OR11A1: variants seen among roughly 807,000 people sequenced by gnomAD.
OR11A1 encodes olfactory receptor 11A1.
For synonymous variants in OR11A1, 158 were observed against 152.2 expected (o/e 1.04, Z -0.28); for missense variants, 380 against 378.2 (o/e 1.00, Z -0.04).
intron 1 of OR11A1, among the ~76,000 whole-genome samples, chr6:29,442,763 A>T (rs1469429024): frequency 6.6e-6 from 1 of 152,262 alleles, no homozygotes; most frequent in Non-Finnish European, 1.5e-5. Flanking sequence ...TCAATTGAAC[A>T]AAACTGCAAT....
chr6:29,426,629 C>T lies in OR11A1; in HGVS notation c.*65G>A. On this transcript the variant is annotated 3_prime_UTR_variant, in exon 5 of 5. Coordinates refer to ENST00000377149, the MANE Select transcript of OR11A1 (RefSeq NM_001394828.1). Reference sequence around the variant, plus strand: ...ATAAGACAAAGTTACTCCTCTCCAACCCATCCTGGAAGAGTCCCCAGTGGA... The same window carrying T: ...ATAAGACAAAGTTACTCCTCTCCAATCCATCCTGGAAGAGTCCCCAGTGGA... 2 of 1,276,152 alleles carry T rather than the reference C, an allele frequency of 1.6e-6. No individual in the cohort carries two copies. Among genetic ancestry groups the T allele is most frequent in the East Asian group, 2.3e-5 (1 of 42,938 alleles). 79.1% of individuals were successfully genotyped at this position (1,276,152 alleles called of 1,614,324 possible).
intron 1 of OR11A1, among the ~76,000 whole-genome samples, chr6:29,444,479 G>T (rs1784522567): frequency 6.6e-6 from 1 of 152,104 alleles, no homozygotes; most frequent in Admixed American, 6.5e-5. Context: ...CATCTTTTTG[G>T]TTTTCAATTT....
chr6:29,450,608 C>CCACA (rs371682956), intron 1 of OR11A1: 1 of 150,942 alleles, frequency 6.6e-6, no homozygotes, highest in Non-Finnish European at 1.5e-5. Context: ...TTCACAATAG[C>CCACA]CACACACACA....
rs1435546491 is a variant in OR11A1, at chr6:29,427,306, T to C, written c.336A>G (p.Glu112=). Residue 112 remains glutamate, a synonymous_variant, in exon 5 of 5, where the codon GAA becomes GAG. Coordinates refer to ENST00000377149, the MANE Select transcript of OR11A1 (RefSeq NM_001394828.1). ...FFIFGSLATA[E]CLLLAVMAYD... ...ATGCCATGACAGCCAGCAGTAAGCA[T>C]TCAGCTGTGGCTAGAGAGCCGAAGA... The C allele has an allele frequency of 3.1e-6, 5 of 1,613,104 alleles. No homozygotes were observed. Among genetic ancestry groups the C allele is most frequent in the Non-Finnish European group, 4.2e-6 (5 of 1,180,024 alleles).
chr6:29,456,146 C>T (rs1168260485), intron 1 of OR11A1, among the ~76,000 whole-genome samples: 1 of 151,714 alleles, frequency 6.6e-6, no homozygotes, highest in Non-Finnish European at 1.5e-5. Flanking sequence ...AGGAGAATCA[C>T]TTGAACCTGG....
intron 1 of OR11A1, among the ~76,000 whole-genome samples, chr6:29,454,246 GTTAAA>G (rs1444991898): frequency 6.6e-6 from 1 of 152,052 alleles, no homozygotes; most frequent in Admixed American, 6.5e-5. Context: ...AATATAAATA[GTTAAA>G]TTAAAACCAT....
intron 1 of OR11A1, among the ~76,000 whole-genome samples, chr6:29,443,986 TAGAC>T (rs1206238331): frequency 6.6e-6 from 1 of 150,874 alleles, no homozygotes; most frequent in Non-Finnish European, 1.5e-5. Context: ...AAAAAAAAAA[TAGAC>T]AGGGGAAAGT....
intron 1 of OR11A1, among the ~76,000 whole-genome samples, chr6:29,442,120 T>C (rs1182976347): frequency 1.3e-5 from 2 of 152,196 alleles, no homozygotes; most frequent in African/African-American, 2.4e-5. Context: ...CAAAGGCTAA[T>C]GTTTGGCTCA....
chr6:29,452,443 A>G (rs1314077224), intron 1 of OR11A1, among the ~76,000 whole-genome samples: 2 of 152,236 alleles, frequency 1.3e-5, no homozygotes, highest in Non-Finnish European at 2.9e-5. Flanking sequence ...CCACATTATC[A>G]ATACCACATC....
In OR11A1 at chr6:29,453,965, A is replaced by T. The variant is rs1785737897; in HGVS notation, c.-389+3022T>A. Among the ~76,000 whole-genome samples, 1 of 152,198 alleles carries T rather than the reference A, an allele frequency of 6.6e-6. No homozygotes were observed. The highest frequency in any genetic ancestry group is 2.4e-5 in the African/African-American group (1 of 41,452). On this transcript the variant is annotated intron_variant, in intron 1 of 4. Transcript: ENST00000377149. This position sits in a 1 kb window ranked among gnomAD's most constrained non-coding sequence, Gnocchi z 4.5. The stretch of plus-strand genomic sequence containing the variant: ...ACAAGGGAAACTTCTGGGATCCAAG[A>T]TTTTAAAATATGAATTTTTAAGAGC...
chr6:29,455,761 A>C (rs1786061863), intron 1 of OR11A1, among the ~76,000 whole-genome samples: 1 of 151,246 alleles, frequency 6.6e-6, no homozygotes, highest in African/African-American at 2.4e-5. Context: ...CTGTAATCCC[A>C]GCTACTTGGG....
intron 1 of OR11A1, among the ~76,000 whole-genome samples, chr6:29,456,317 T>C (rs1786244408): frequency 6.6e-6 from 1 of 150,882 alleles, no homozygotes; most frequent in Admixed American, 6.6e-5. Flanking sequence ...GGTCAGGAGA[T>C]CGAGACCATG....
Position 29,443,805 on chromosome 6 carries a change from C to T in OR11A1, c.-388-11818G>A, listed in dbSNP as rs150565979. ...TCTCCAGGAAATGTGCAATTCCTCA[C>T]GATATATTTTTGAGATATCTAGTTT... On this transcript the variant is annotated intron_variant, in intron 1 of 4. Transcript: ENST00000377149. Among the ~76,000 whole-genome samples the T allele has an allele frequency of 4.7e-3, 717 of 152,186 alleles. 20 individuals carry two copies. Among genetic ancestry groups the T allele is most frequent in the Admixed American group, 0.043 (657 of 15,284 alleles).
chr6:29,437,539 A>G (rs966385699), intron 1 of OR11A1, among the ~76,000 whole-genome samples: 11 of 152,200 alleles, frequency 7.2e-5, no homozygotes, highest in African/African-American at 2.7e-4. Context: ...CCAGTCAAAA[A>G]TCATGAATGA....
At chr6:29,428,255 G>T (rs1782991879) in intron 4 of OR11A1, 2 of 985,092 alleles carry the variant, frequency 2.0e-6, no homozygotes, top group South Asian at 4.7e-5. Flanking sequence ...TTCACTTATT[G>T]CCTTCCTTAA....
intron 1 of OR11A1, chr6:29,440,677 T>C: frequency 6.2e-7 from 1 of 1,614,144 alleles, no homozygotes. Flanking sequence ...GGGCGTATCC[T>C]CGTTACCATC....
rs375886931 is a variant in OR11A1, at chr6:29,431,849, CA to C, written c.-265+14del. ...GTGAACTAAGCTGTAAAGAATTTTA[CA>C]AAAATAAACGTACCCGAAATATCGA... On this transcript the variant is annotated intron_variant, in intron 2 of 4. Coordinates refer to ENST00000377149, the MANE Select transcript of OR11A1 (RefSeq NM_001394828.1). The C allele has an allele frequency of 9.9e-4, 977 of 985,212 alleles. 8 individuals carry two copies. In the African/African-American group the frequency reaches 0.015, roughly 15 times the overall value. The allele number at this position is 985,212 out of a possible 1,614,324, so 61.0% of individuals were successfully genotyped here.
intron 1 of OR11A1, among the ~76,000 whole-genome samples, chr6:29,448,356 C>A (rs1390552987): frequency 1.3e-5 from 2 of 152,100 alleles, no homozygotes; most frequent in Non-Finnish European, 2.9e-5. Context: ...ACATGGAGAC[C>A]AAGTACAGAA....
chr6:29,443,939 C>G (rs1784460617), intron 1 of OR11A1, among the ~76,000 whole-genome samples: 1 of 151,274 alleles, frequency 6.6e-6, no homozygotes, highest in East Asian at 1.9e-4. Flanking sequence ...ATTAGTCTTT[C>G]TGGAGCAAGA....
Sources: gnomAD v4.1 joint callset for allele counts (sites outside exome capture counted in the v4.1 genomes callset) on GRCh38, gnomAD v4.1.1 for gene constraint, Gnocchi (gnomAD v3.1) non-coding constraint, MANE v1.5 for transcripts, NCBI Gene and HGNC (gene_info 2026-07-23, HGNC 2026-07-21) for gene names.